Variants in TRPM3 observed in about 807,000 individuals in gnomAD.
TRPM3 encodes the protein long transient receptor potential channel 3.
A neutral mutation model predicts 181.2 loss-of-function variants in TRPM3; 77 were observed. That is an observed-to-expected ratio of 0.42 (90% confidence interval 0.35 to 0.51). TRPM3 has a LOEUF of 0.51. TRPM3 is among the 20% of genes least tolerant of loss of function. TRPM3 has a pLI of 0.01. For synonymous variants in TRPM3, 745 were observed against 796.4 expected, an observed-to-expected ratio of 0.94 and a Z score of 1.09; for missense variants, 1,759 against 2,196.7, an observed-to-expected ratio of 0.80 and a Z score of 3.98.
chr9:70,811,229 A>G (rs200762992), intron 6 of TRPM3: 70 of 1,611,452 alleles, frequency 4.3e-5, no homozygotes, highest in Non-Finnish European at 5.0e-5. Context: ...GTCAAGAGAG[A>G]AAAACGGCAG....
intron 1 of TRPM3, among the ~76,000 whole-genome samples, chr9:71,228,701 A>G (rs1170015594): frequency 6.6e-6 from 1 of 152,142 alleles, no homozygotes; most frequent in African/African-American, 2.4e-5. Flanking sequence ...AAATAAGAAA[A>G]TAATCACACT....
At chr9:70,996,867 G>A (rs1245136197) in intron 1 of TRPM3, among the ~76,000 whole-genome samples, 1 of 152,126 alleles carries the variant, frequency 6.6e-6, no homozygotes, top group Non-Finnish European at 1.5e-5. Context: ...TAGATGTGGG[G>A]AACACATTTT....
At chr9:71,205,415 G>C (rs2079066338) in intron 1 of TRPM3, among the ~76,000 whole-genome samples, 1 of 152,116 alleles carries the variant, frequency 6.6e-6, no homozygotes, top group Non-Finnish European at 1.5e-5. Context: ...TGAGTTTTAA[G>C]AGTGCCAGTG....
intron 1 of TRPM3, among the ~76,000 whole-genome samples, chr9:70,995,573 A>G (rs2097534290): frequency 6.6e-6 from 1 of 151,712 alleles, no homozygotes; most frequent in African/African-American, 2.4e-5. Flanking sequence ...ACTTTTTGAC[A>G]TTTTTTCTCC....
chr9:71,128,367 T>TA (rs2074177898), intron 1 of TRPM3, among the ~76,000 whole-genome samples: 2 of 152,294 alleles, frequency 1.3e-5, no homozygotes, highest in Admixed American at 1.3e-4. Context: ...GGCCTAGAGC[T>TA]AAAATACAAC....
rs183706594 is a variant in TRPM3, at chr9:71,358,931, T to C, written c.183+87722A>G. Among the ~76,000 whole-genome samples the C allele has an allele frequency of 2.1e-4, 32 of 152,344 alleles. 2 individuals carry two copies. The East Asian group carries it at 6.0e-3, about 28-fold the overall frequency. ...TTCTGTGAGCTGCAATCACATCTCA[T>C]GGTCTTCTAAAATTTTTATAAAATA... On this transcript the variant is annotated intron_variant, in intron 1 of 24. Transcript: ENST00000357533.
intron 1 of TRPM3, among the ~76,000 whole-genome samples, chr9:71,161,973 A>G: frequency 6.6e-6 from 1 of 152,014 alleles, no homozygotes. Flanking sequence ...AGGCCAAGGC[A>G]GGCTGATCAC....
At chr9:71,141,278 A>G (rs2075086045) in intron 1 of TRPM3, among the ~76,000 whole-genome samples, 1 of 152,180 alleles carries the variant, frequency 6.6e-6, no homozygotes, top group African/African-American at 2.4e-5. Context: ...ATCTTTATTA[A>G]TATCTCTAGC....
chr9:70,573,358 A>G (rs185264353), intron 22 of TRPM3, among the ~76,000 whole-genome samples: 380 of 152,386 alleles, frequency 2.5e-3, no homozygotes, highest in Non-Finnish European at 4.2e-3. Flanking sequence ...AAAAATTCAC[A>G]GCTCATTAAA....
chr9:70,558,206 C>T (rs1304602901), intron 22 of TRPM3, among the ~76,000 whole-genome samples: 1 of 152,180 alleles, frequency 6.6e-6, no homozygotes, highest in African/African-American at 2.4e-5. Context: ...GACTCTATCA[C>T]AGAGAACAGA....
intron 1 of TRPM3, among the ~76,000 whole-genome samples, chr9:71,067,513 TA>T (rs2062085308): frequency 6.6e-6 from 1 of 152,204 alleles, no homozygotes; most frequent in Admixed American, 6.6e-5. Flanking sequence ...TGCTGGAGTT[TA>T]AATCCTGGCG....
intron 1 of TRPM3, among the ~76,000 whole-genome samples, chr9:71,343,835 G>T (rs2091120432): frequency 6.6e-6 from 1 of 151,988 alleles, no homozygotes; most frequent in Non-Finnish European, 1.5e-5. Flanking sequence ...ATGAGCCTGG[G>T]TCATCTTATT....
chr9:70,613,408 C>T (rs970856221), intron 18 of TRPM3, among the ~76,000 whole-genome samples: 1 of 152,140 alleles, frequency 6.6e-6, no homozygotes, highest in East Asian at 1.9e-4. Flanking sequence ...TTTCGTGTGT[C>T]GTTTTGGAAG....
chr9:71,121,811 G>T (rs754825374), upstream of TRPM3, among the ~76,000 whole-genome samples: 75 of 152,220 alleles, frequency 4.9e-4, no homozygotes, highest in Non-Finnish European at 9.4e-4. Context: ...GAACTGGTAC[G>T]GGGGGAGGGG....
chr9:71,192,849 T>A (rs928823931), intron 1 of TRPM3, among the ~76,000 whole-genome samples: 3 of 151,840 alleles, frequency 2.0e-5, no homozygotes, highest in Non-Finnish European at 4.4e-5. Flanking sequence ...TGCTGTAGAA[T>A]TTCCCCCTAT....
chr9:70,624,806 T>C (rs1020249997), intron 14 of TRPM3, among the ~76,000 whole-genome samples: 2 of 152,184 alleles, frequency 1.3e-5, no homozygotes, highest in African/African-American at 2.4e-5. Context: ...TGAAAATATG[T>C]TTTTGTTTGT....
Position 70,536,789 on chromosome 9 carries a change from T to C in TRPM3, c.4324A>G (p.Ser1442Gly). ...GTGGAAGGTACTGGAGTTGAAAAGC[T>C]TGGCTCGCCCAGCCCAAGGATGTTC... ...SVNILGLGEP[S>G]FSTPVPSTAP... Residue 1442 changes from serine to glycine, a missense_variant, in exon 26 of 26, where the codon AGC becomes GGC. Around this residue, in one of 8 missense-constraint regions of TRPM3, gnomAD observed 612 missense variants for 590.0 expected, o/e 1.04. Transcript: ENST00000677713. 6.2e-7 allele frequency: 1 copy of C among 1,614,160 alleles called. No homozygotes were observed.
intron 1 of TRPM3, among the ~76,000 whole-genome samples, chr9:71,077,107 G>C (rs1017317520): frequency 3.9e-5 from 6 of 152,136 alleles, no homozygotes; most frequent in African/African-American, 1.4e-4. Context: ...CTAAATCCTG[G>C]CCATGCACTA....
intron 1 of TRPM3, among the ~76,000 whole-genome samples, chr9:71,160,021 A>T (rs1452992616): frequency 6.6e-6 from 1 of 152,024 alleles, no homozygotes. Flanking sequence ...TCACCTCCCT[A>T]CAACCCCACT....
Sources: allele counts gnomAD v4.1 joint callset (sites outside exome capture counted in the v4.1 genomes callset), GRCh38; gene constraint gnomAD v4.1.1; regional missense constraint gnomAD v4.1.1; transcripts MANE v1.5; gene names NCBI Gene and HGNC (gene_info 2026-07-23, HGNC 2026-07-21).